Variants in TTLL5 observed in about 807,000 individuals in gnomAD.
TTLL5 encodes the protein tubulin polyglutamylase TTLL5.
TTLL5 carries 132 observed loss-of-function variants against 168.4 expected under a neutral mutation model. The ratio of observed to expected loss-of-function variants is 0.78; its 90% CI spans 0.68 to 0.91. The LOEUF (loss-of-function observed/expected upper bound fraction) is 0.91, where lower values mean the gene tolerates loss of function less well. TTLL5 is among the 40% of genes least tolerant of loss of function. The pLI is 0.00. For synonymous variants in TTLL5, 546 were observed against 558.6 expected (o/e 0.98, Z 0.32); for missense variants, 1,545 against 1,581.5 (o/e 0.98, Z 0.39).
intron 31 of TTLL5, among the ~76,000 whole-genome samples, chr14:75,948,305 T>G (rs1208255054): frequency 3.3e-5 from 5 of 152,028 alleles, no homozygotes; most frequent in African/African-American, 1.2e-4. Context: ...GCCAACATGC[T>G]GAAACCCTGT....
intron 28 of TTLL5, among the ~76,000 whole-genome samples, chr14:75,831,738 T>A (rs1895578768): frequency 6.6e-6 from 1 of 152,204 alleles, no homozygotes; most frequent in East Asian, 1.9e-4. Context: ...GTTTCAGCAC[T>A]TTGCAGACTC....
intron 28 of TTLL5, among the ~76,000 whole-genome samples, chr14:75,821,172 C>T (rs994826335): frequency 1.2e-4 from 19 of 152,148 alleles, no homozygotes; most frequent in African/African-American, 4.3e-4. Flanking sequence ...AGAAGCTCTG[C>T]CCAGGAAGCA....
chr14:75,829,163 GGAAAA>G (rs1258157355), intron 28 of TTLL5, among the ~76,000 whole-genome samples: 8 of 152,198 alleles, frequency 5.3e-5, no homozygotes, highest in Admixed American at 2.0e-4. Flanking sequence ...AAAACTTCAT[GGAAAA>G]GAAAAGGTGT....
chr14:75,662,077 G>A (rs987380890), intron 1 of TTLL5, among the ~76,000 whole-genome samples: 11 of 152,134 alleles, frequency 7.2e-5, no homozygotes, highest in Non-Finnish European at 1.3e-4. Context: ...AGTTAGAAAT[G>A]CAGTGTTGGA....
intron 9 of TTLL5, among the ~76,000 whole-genome samples, chr14:75,717,355 T>C (rs1887536578): frequency 6.6e-6 from 1 of 152,148 alleles, no homozygotes; most frequent in Non-Finnish European, 1.5e-5. Flanking sequence ...GCTCAAGCAA[T>C]CCTCCTGCCT....
At chr14:75,695,947 G>C (rs1199535201) in intron 6 of TTLL5, among the ~76,000 whole-genome samples, 1 of 144,384 alleles carries the variant, frequency 6.9e-6, no homozygotes. Flanking sequence ...TCTCACCCAG[G>C]CTGTGGTAAT....
intron 31 of TTLL5, among the ~76,000 whole-genome samples, chr14:75,904,966 CT>C (rs1478071082): frequency 4.6e-5 from 7 of 152,196 alleles, no homozygotes; most frequent in African/African-American, 1.7e-4. Context: ...TAGTAAGTAA[CT>C]GCCAGGCACA....
At chr14:75,788,165 A>G (rs8006632) in intron 26 of TTLL5, among the ~76,000 whole-genome samples, 99,115 of 151,998 alleles carry the variant, frequency 0.65, 35,264 homozygotes, top group Non-Finnish European at 0.78. Flanking sequence ...AAAAACTTAT[A>G]TTTGAAAAGA....
intron 27 of TTLL5, among the ~76,000 whole-genome samples, chr14:75,817,892 C>T (rs1262381863): frequency 7.7e-6 from 1 of 130,298 alleles, no homozygotes; most frequent in Non-Finnish European, 1.5e-5. Flanking sequence ...GGCTGGAGTG[C>T]AGTAGTGAGA....
intron 5 of TTLL5, among the ~76,000 whole-genome samples, chr14:75,688,958 A>T (rs1885261068): frequency 6.6e-6 from 1 of 152,224 alleles, no homozygotes; most frequent in Admixed American, 6.5e-5. Flanking sequence ...CATTGTTTTC[A>T]AAAGGTTTAA....
chr14:75,843,752 T>C (rs113856875), intron 28 of TTLL5, among the ~76,000 whole-genome samples: 162 of 152,304 alleles, frequency 1.1e-3, no homozygotes, highest in African/African-American at 3.7e-3. Context: ...CTCATCATTG[T>C]CCTCATGTGG....
intron 7 of TTLL5, among the ~76,000 whole-genome samples, chr14:75,703,589 C>T (rs1886435504): frequency 6.6e-6 from 1 of 152,146 alleles, no homozygotes; most frequent in East Asian, 1.9e-4. Context: ...TGGGTGTTTT[C>T]TGATTAAGGT....
chr14:75,739,291 T>A (rs1276482902), intron 15 of TTLL5, among the ~76,000 whole-genome samples: 1 of 152,212 alleles, frequency 6.6e-6, no homozygotes, highest in Non-Finnish European at 1.5e-5. Context: ...TTCAGCCAGC[T>A]TTATACATGT....
intron 7 of TTLL5, among the ~76,000 whole-genome samples, chr14:75,705,975 T>C (rs763855783): frequency 6.6e-6 from 1 of 152,172 alleles, no homozygotes; most frequent in Non-Finnish European, 1.5e-5. Context: ...CAAATCCCTT[T>C]GTCAGTAGGG....
rs1193347440 is a variant in TTLL5, at chr14:75,836,447, CA to C, written c.3326+16296del. On this transcript the variant is annotated intron_variant, in intron 28 of 31. Coordinates refer to ENST00000298832, the MANE Select transcript of TTLL5 (RefSeq NM_015072.5). ...GGGAAGTGGGGATGGTTAATGGATA[CA>C]AAAAAAAAATAGAATGAGTAAGACC... Among the ~76,000 whole-genome samples the C allele has an allele frequency of 8.6e-3, 1,234 of 143,768 alleles. 8 individuals carry two copies. The highest frequency in any genetic ancestry group is 0.01 in the Non-Finnish European group (671 of 65,406). 94.3% of individuals were successfully genotyped at this position (143,768 alleles called of 152,430 possible). A position where few individuals can be genotyped will look rare whatever the true frequency, so the allele number is the denominator to read the frequency against.
intron 2 of TTLL5, among the ~76,000 whole-genome samples, chr14:75,667,215 G>A (rs753986261): frequency 6.6e-6 from 1 of 152,154 alleles, no homozygotes; most frequent in Non-Finnish European, 1.5e-5. Context: ...TCTGTTGATT[G>A]TGCTCCCCTT....
At position 75,916,147 on chromosome 14, in the gene TTLL5, A is replaced by T. The variant is rs536051261; in HGVS notation, c.3823+13923A>T. On this transcript the variant is annotated intron_variant, in intron 31 of 31. Transcript: ENST00000298832. ...ACAAGAAACAGAGAGATAGAGAGGG[A>T]TGAGGGGAGGAGAGGGAGGGGAAAG... Among the ~76,000 whole-genome samples the T allele has an allele frequency of 6.5e-3, 875 of 134,528 alleles. 12 individuals are homozygous for T. Among genetic ancestry groups the T allele is most frequent in the African/African-American group, 0.023 (834 of 36,922 alleles). The allele number at this position is 134,528 out of a possible 152,430, so 88.3% of individuals were successfully genotyped here. A position where few individuals can be genotyped will look rare whatever the true frequency, so the allele number is the denominator to read the frequency against.
chr14:75,782,282 T>C (rs1218003554), intron 24 of TTLL5, among the ~76,000 whole-genome samples: 1 of 152,112 alleles, frequency 6.6e-6, no homozygotes, highest in Non-Finnish European at 1.5e-5. Flanking sequence ...GTAGCTGGGA[T>C]TGGGAATAGC....
At chr14:75,714,780 A>T (rs1030373767) in intron 9 of TTLL5, among the ~76,000 whole-genome samples, 2 of 152,092 alleles carry the variant, frequency 1.3e-5, no homozygotes, top group African/African-American at 4.8e-5. Context: ...TCCAAGGAGC[A>T]CTGGTTGCTT....
Sources: gnomAD v4.1 joint callset for allele counts (sites outside exome capture counted in the v4.1 genomes callset) on GRCh38, gnomAD v4.1.1 for gene constraint, MANE v1.5 for transcripts, NCBI Gene and HGNC (gene_info 2026-07-23, HGNC 2026-07-21) for gene names.